The following NOVA2 variants were observed in gnomAD, a reference collection of about 807,000 sequenced individuals.
NOVA2 encodes the protein NOVA alternative splicing regulator 2, also known as RNA-binding protein Nova-2.
A neutral mutation model predicts 22.5 loss-of-function variants in NOVA2; 9 were observed. The observed-to-expected ratio is 0.40, with a 90% CI of 0.24 to 0.70. The LOEUF (loss-of-function observed/expected upper bound fraction) is 0.70. NOVA2 is among the 30% of genes least tolerant of loss of function. The pLI, the probability that NOVA2 is intolerant of heterozygous loss-of-function variation, is 0.38. For synonymous variants in NOVA2, 318 were observed against 335.2 expected (o/e 0.95, Z 0.56); for missense variants, 383 against 682.8 (o/e 0.56, Z 4.89).
intron 1 of NOVA2, 116 bp downstream of exon 1, chr19:45,973,150 GA>G: frequency 2.9e-6 from 1 of 349,798 alleles, no homozygotes; most frequent in South Asian, 4.0e-5. Flanking sequence ...CCGCCTCGGG[GA>G]GGGGTGTCTC....
intron 2 of NOVA2, among the ~76,000 whole-genome samples, chr19:45,955,208 C>G (rs368712747): frequency 6.6e-6 from 1 of 152,006 alleles, no homozygotes; most frequent in Non-Finnish European, 1.5e-5. Flanking sequence ...TGTGTGTGTA[C>G]GTGTGTTTGT....
At chr19:45,971,782 T>G (rs1968235559) in intron 1 of NOVA2, among the ~76,000 whole-genome samples, 1 of 152,044 alleles carries the variant, frequency 6.6e-6, no homozygotes, top group African/African-American at 2.4e-5. Flanking sequence ...GCTTGTCCGC[T>G]GCGGGGTCTC....
intron 3 of NOVA2, among the ~76,000 whole-genome samples, chr19:45,949,321 CA>C (rs11320511): frequency 0.38 from 48,323 of 126,396 alleles, 9,566 homozygotes; most frequent in African/African-American, 0.6. Flanking sequence ...GCTGTTATTT[CA>C]AAAAAAAAAA....
chr19:45,953,873 C>T lies in NOVA2; in HGVS notation c.303G>A (p.Glu101=), dbSNP rs1454153264. The T allele has an allele frequency of 1.9e-6, 3 of 1,614,106 alleles. No individual in the cohort carries two copies. The highest frequency in any genetic ancestry group is 1.3e-5 in the African/African-American group (1 of 74,948). Residue 101 remains glutamate, a synonymous_variant, in exon 3 of 4, where the codon GAG becomes GAA. Coordinates refer to ENST00000263257, the MANE Select transcript of NOVA2 (RefSeq NM_002516.4). The stretch of plus-strand genomic sequence containing the variant: ...TCGCTTGTGGGATTTCTCGGACCTT[C>T]TCGGCAATAAAGCTGTGCACAGCAT... ...ALNAVHSFIA[E]KVREIPQAMT...
chr19:45,957,706 TATAA>T (rs1295945908), intron 2 of NOVA2, among the ~76,000 whole-genome samples: 2 of 150,022 alleles, frequency 1.3e-5, no homozygotes, highest in Non-Finnish European at 3.0e-5. Context: ...CCTGCCTCAA[TATAA>T]ATAAATAAAT....
In NOVA2 at chr19:45,939,653, G is replaced by A. The variant is rs1967712760; in HGVS notation, c.*210C>T. On this transcript the variant is annotated 3_prime_UTR_variant, in exon 4 of 4. Transcript: ENST00000263257. ...GGGAGGAAGGAGGGGTCAGTTCCGG[G>A]CTGGGGAGGGGGCTTCTGAGCCCCC... is the stretch of plus-strand genomic sequence containing the variant. 2 of 619,392 alleles carry A rather than the reference G, an allele frequency of 3.2e-6. No individual in the cohort carries two copies. The highest frequency in any genetic ancestry group is 5.5e-6 in the Non-Finnish European group (2 of 360,434). 38.4% of individuals were successfully genotyped at this position (619,392 alleles called of 1,614,324 possible). A position where few individuals can be genotyped will look rare whatever the true frequency, so the allele number is the denominator to read the frequency against.
At chr19:45,972,130 TGTCATATG>T (rs1482892853) in intron 1 of NOVA2, among the ~76,000 whole-genome samples, 2 of 151,764 alleles carry the variant, frequency 1.3e-5, no homozygotes, top group South Asian at 4.2e-4. Flanking sequence ...CACAGCTGGG[TGTCATATG>T]CACACGTGCC....
intron 1 of NOVA2, among the ~76,000 whole-genome samples, chr19:45,963,177 G>A (rs1568671329): frequency 1.3e-5 from 2 of 151,960 alleles, no homozygotes; most frequent in Non-Finnish European, 2.9e-5. Flanking sequence ...TCAAGAGACG[G>A]ATACCATCCT....
chr19:45,945,087 T>A (rs1202002321), intron 3 of NOVA2, among the ~76,000 whole-genome samples: 1 of 152,042 alleles, frequency 6.6e-6, no homozygotes, highest in African/African-American at 2.4e-5. Flanking sequence ...CAGAGACTGC[T>A]TGAGCCCAGG....
intron 2 of NOVA2, among the ~76,000 whole-genome samples, chr19:45,958,584 T>C (rs1968047965): frequency 6.6e-6 from 1 of 151,134 alleles, no homozygotes; most frequent in African/African-American, 2.4e-5. Context: ...TGAGTGTGAA[T>C]GAGTGTGTGT....
chr19:45,943,188 G>A (rs1012468910), intron 3 of NOVA2, among the ~76,000 whole-genome samples: 49 of 151,100 alleles, frequency 3.2e-4, no homozygotes, highest in Admixed American at 2.8e-3. Context: ...CTAGTAGCTG[G>A]GATTACAGGC....
At chr19:45,958,368 T>C (rs1261750579) in intron 2 of NOVA2, among the ~76,000 whole-genome samples, 6 of 145,134 alleles carry the variant, frequency 4.1e-5, no homozygotes, top group Middle Eastern at 3.2e-3. Flanking sequence ...TGTGTGTGTG[T>C]GTGTGAGAGT....
In NOVA2 at chr19:45,940,700, G is replaced by A. The variant is rs1445620666; in HGVS notation, c.642C>T (p.Tyr214=). 8 of 1,605,592 alleles carry A rather than the reference G, an allele frequency of 5.0e-6. No individual in the cohort carries two copies. Among genetic ancestry groups the A allele is most frequent in the African/African-American group, 1.3e-5 (1 of 74,836 alleles). The stretch of plus-strand genomic sequence containing the variant: ...TGGCCACGGGGCCTGCCACGTTGGC[G>A]TAGCTGATGTTGAGGCAGCTGCTGC... ...PQSSSCLNIS[Y]ANVAGPVANS... is the part of the protein sequence containing the mutation. Residue 214 remains tyrosine (Y), a synonymous_variant, in exon 4 of 4, where the codon TAC becomes TAT. Transcript: ENST00000263257.
intron 2 of NOVA2, among the ~76,000 whole-genome samples, chr19:45,956,725 G>C (rs2146419064): frequency 6.6e-6 from 1 of 152,298 alleles, no homozygotes; most frequent in East Asian, 1.9e-4. Context: ...CAAAGTGCTG[G>C]GATTACAGAT....
intron 1 of NOVA2, among the ~76,000 whole-genome samples, chr19:45,966,957 C>T (rs910950984): frequency 7.2e-5 from 11 of 152,068 alleles, no homozygotes; most frequent in Non-Finnish European, 1.5e-4. Context: ...TTTGTTCTCC[C>T]TAACATACAT....
At chr19:45,968,203 T>C (rs1968190258) in intron 1 of NOVA2, among the ~76,000 whole-genome samples, 1 of 151,956 alleles carries the variant, frequency 6.6e-6, no homozygotes, top group African/African-American at 2.4e-5. Flanking sequence ...TGGCACCTCA[T>C]GGTTTTGTTT....
chr19:45,953,556 A>C (rs1201056238), intron 3 of NOVA2, among the ~76,000 whole-genome samples: 1 of 151,544 alleles, frequency 6.6e-6, no homozygotes, highest in Non-Finnish European at 1.5e-5. Flanking sequence ...CCAGACCTTC[A>C]CTCCCTCTCT....
At position 45,961,014 on chromosome 19, in the gene NOVA2, G is replaced by T; in HGVS notation, c.225C>A (p.Tyr75Ter). Reference protein sequence around the residue: ...TIKLSKSKDFYPGTTERVCLV... With the variant: ...TIKLSKSKDF The stretch of plus-strand genomic sequence containing the variant: ...GAGACCTGGGCCGGGGCTCACCGGG[G>T]TAGAAGTCTTTGGACTTGGAGAGCT... The change falls in exon 2 of 4, where the codon TAC becomes TAA. Residue 75 changes from tyrosine (Y) to a stop codon, truncating the protein, a stop_gained. Coordinates refer to ENST00000263257, the MANE Select transcript of NOVA2 (RefSeq NM_002516.4). LOFTEE classifies it high-confidence loss of function. 1 of 1,573,398 alleles carries T rather than the reference G, an allele frequency of 6.4e-7. No individual in the cohort carries two copies. The highest frequency in any genetic ancestry group is 8.6e-7 in the Non-Finnish European group (1 of 1,158,966).
At chr19:45,953,208 T>C (rs62113384) in intron 3 of NOVA2, among the ~76,000 whole-genome samples, 14,594 of 152,284 alleles carry the variant, frequency 0.096, 712 homozygotes, top group East Asian at 0.14. Context: ...CACGCCCCTA[T>C]GCCACTGCTT....
Sources: gnomAD v4.1 joint callset for allele counts (sites outside exome capture counted in the v4.1 genomes callset) on GRCh38, gnomAD v4.1.1 for gene constraint, MANE v1.5 for transcripts, NCBI Gene and HGNC (gene_info 2026-07-23, HGNC 2026-07-21) for gene names.